CRB1: variants seen among roughly 807,000 people sequenced by gnomAD.
The protein encoded by CRB1 is crumbs cell polarity complex component 1.
Under a neutral mutation model 120.0 loss-of-function variants are expected in CRB1, and 83 were observed. The ratio of observed to expected loss-of-function variants is 0.69; its 90% CI spans 0.58 to 0.83. CRB1 has a LOEUF of 0.83. Among genes scored for constraint, CRB1 ranks in the 40% least tolerant of loss-of-function variants. CRB1 has a pLI of 0.00. For missense variants in CRB1, 1,699 were observed against 1,687.6 expected (o/e 1.01, Z -0.12); for synonymous variants, 625 against 612.5 (o/e 1.02, Z -0.30).
Position 197,477,633 on chromosome 1 carries a change from A to G in CRB1, c.4006-31A>G, listed in dbSNP as rs375060945. On this transcript the variant is annotated intron_variant, in intron 11 of 11. Coordinates refer to ENST00000367400, the MANE Select transcript of CRB1 (RefSeq NM_201253.3). Reference sequence around the variant, plus strand: ...AATATTTATTTGCCTTTGCTATAGAATTCGCATCCCAATGATTTCAATCTT... The same window carrying G: ...AATATTTATTTGCCTTTGCTATAGAGTTCGCATCCCAATGATTTCAATCTT... 3 of 1,600,950 alleles carry G rather than the reference A, an allele frequency of 1.9e-6. No homozygotes were observed. The African/African-American group carries it at 4.0e-5, about 21-fold the overall frequency.
intron 5 of CRB1, among the ~76,000 whole-genome samples, chr1:197,372,724 A>T (rs780637848): frequency 6.6e-6 from 1 of 151,414 alleles, no homozygotes; most frequent in East Asian, 1.9e-4. Flanking sequence ...AAAAAAAAAA[A>T]CAAATAAAAA....
At chr1:197,367,318 T>A (rs894971170) in intron 5 of CRB1, among the ~76,000 whole-genome samples, 1 of 152,130 alleles carries the variant, frequency 6.6e-6, no homozygotes, top group Admixed American at 6.5e-5. Flanking sequence ...AGGAAAATGA[T>A]GCGCAAAGTG....
the CRB1 span, among the ~76,000 whole-genome samples, chr1:197,234,173 A>T: frequency 8.6e-3 from 1,306 of 152,298 alleles, 18 homozygotes; most frequent in African/African-American, 0.03. Flanking sequence ...ATTCATTGAT[A>T]ATCTTCTCTG....
chr1:197,239,499 C>T, the CRB1 span, among the ~76,000 whole-genome samples: 1 of 151,946 alleles, frequency 6.6e-6, no homozygotes, highest in Non-Finnish European at 1.5e-5. Context: ...GTTGACTATA[C>T]CTACCATTAA....
the CRB1 span, among the ~76,000 whole-genome samples, chr1:197,249,472 T>C: frequency 6.6e-6 from 1 of 152,052 alleles, no homozygotes; most frequent in Non-Finnish European, 1.5e-5. Flanking sequence ...AGACTAGAAG[T>C]GTATAAACTA....
chr1:197,435,124 T>G lies in CRB1; in HGVS notation c.3261T>G (p.Ile1087Met). The change falls in exon 9 of 12, where the codon ATT (isoleucine) becomes ATG (methionine). Residue 1087 changes from isoleucine to methionine, a missense_variant. Ile to Met is a conservative substitution (Grantham distance 10). Transcript: ENST00000367400. ...ATATTTATGTGGGAGACAGAGCTAT[T>G]GACAATATAAAGGGCCTGCAAGGGT... ...NTDIYVGDRA[I>M]DNIKGLQGCL... 1 of 1,613,956 alleles carries G rather than the reference T, an allele frequency of 6.2e-7. No homozygotes were observed. Among genetic ancestry groups the G allele is most frequent in the Non-Finnish European group, 8.5e-7 (1 of 1,179,892 alleles).
chr1:197,330,458 A>T (rs1475297701), intron 2 of CRB1, among the ~76,000 whole-genome samples: 1 of 152,154 alleles, frequency 6.6e-6, no homozygotes, highest in African/African-American at 2.4e-5. Flanking sequence ...AGCACTTCAC[A>T]ATTTGGGCCC....
At chr1:197,429,693 A>T in intron 8 of CRB1, 79 bp downstream of exon 8, 1 of 1,432,830 alleles carries the variant, frequency 7.0e-7, no homozygotes, top group Middle Eastern at 2.0e-4. Context: ...ACAGAAAAAG[A>T]GTATAGACAA....
chr1:197,474,163 C>A (rs1249393060), intron 11 of CRB1, among the ~76,000 whole-genome samples: 1 of 152,174 alleles, frequency 6.6e-6, no homozygotes, highest in African/African-American at 2.4e-5. Context: ...TATTTGAGAA[C>A]TTCCTATAGG....
intron 11 of CRB1, among the ~76,000 whole-genome samples, chr1:197,467,166 G>A (rs1666784689): frequency 6.6e-6 from 1 of 152,120 alleles, no homozygotes; most frequent in African/African-American, 2.4e-5. Flanking sequence ...TATAAAAATT[G>A]TTTGTTAAAT....
chr1:197,259,039 C>A, the CRB1 span, among the ~76,000 whole-genome samples: 3 of 152,144 alleles, frequency 2.0e-5, no homozygotes, highest in East Asian at 5.8e-4. Context: ...CAGATGCTGG[C>A]GAGGTTGTGG....
At chr1:197,397,658 C>T (rs2125426023) in intron 5 of CRB1, among the ~76,000 whole-genome samples, 1 of 152,238 alleles carries the variant, frequency 6.6e-6, no homozygotes, top group East Asian at 1.9e-4. Flanking sequence ...ACACATGCAA[C>T]AACAAAGAAT....
the CRB1 span, among the ~76,000 whole-genome samples, chr1:197,262,341 A>G: frequency 1.3e-5 from 2 of 151,908 alleles, no homozygotes; most frequent in African/African-American, 4.8e-5. Flanking sequence ...TGTACCTTCT[A>G]TTTTTGTCTA....
intron 1 of CRB1, among the ~76,000 whole-genome samples, chr1:197,304,649 A>G (rs1657060947): frequency 6.6e-6 from 1 of 152,182 alleles, no homozygotes; most frequent in Admixed American, 6.5e-5. Flanking sequence ...ATTAGGTTTC[A>G]CCAATTAAAA....
At chr1:197,291,704 C>A (rs756093249) in intron 1 of CRB1, among the ~76,000 whole-genome samples, 3 of 151,770 alleles carry the variant, frequency 2.0e-5, no homozygotes, top group Non-Finnish European at 4.4e-5. Context: ...GAGCACATTC[C>A]TGGACAGCCT....
At chr1:197,347,171 T>C (rs1214964073) in intron 3 of CRB1, among the ~76,000 whole-genome samples, 169 bp from the exon 4 acceptor site, 1 of 152,198 alleles carries the variant, frequency 6.6e-6, no homozygotes, top group Non-Finnish European at 1.5e-5. Flanking sequence ...AAGACATTAA[T>C]ATGGAAATAA....
intron 1 of CRB1, among the ~76,000 whole-genome samples, chr1:197,283,066 CTT>C (rs1053844195): frequency 1.3e-5 from 2 of 151,344 alleles, no homozygotes; most frequent in African/African-American, 4.8e-5. Context: ...AATCTCAACA[CTT>C]AGTCAAAAGG....
At chr1:197,411,197 A>T (rs1195631631) in intron 5 of CRB1, among the ~76,000 whole-genome samples, 1 of 152,186 alleles carries the variant, frequency 6.6e-6, no homozygotes, top group Non-Finnish European at 1.5e-5. Context: ...GCTGTCTCCT[A>T]AAACAAAAAT....
At chr1:197,296,499 A>G (rs1184933303) in intron 1 of CRB1, among the ~76,000 whole-genome samples, 1 of 152,082 alleles carries the variant, frequency 6.6e-6, no homozygotes, top group African/African-American at 2.4e-5. Context: ...GTCTTGCTAC[A>G]GATCCAGAAG....
Sources: gnomAD v4.1 joint callset for allele counts (sites outside exome capture counted in the v4.1 genomes callset) on GRCh38, gnomAD v4.1.1 for gene constraint, MANE v1.5 for transcripts, NCBI Gene and HGNC (gene_info 2026-07-23, HGNC 2026-07-21) for gene names.